The following SYNJ1 variants were observed in gnomAD, a reference collection of about 807,000 sequenced individuals.
SYNJ1 encodes the protein polyphosphatidylinositol phosphatase SYNJ1.
Under a neutral mutation model 168.2 loss-of-function variants are expected in SYNJ1, and 78 were observed. That is an observed-to-expected ratio of 0.46 (90% CI 0.39 to 0.56). The LOEUF (loss-of-function observed/expected upper bound fraction) is 0.56, where lower values mean the gene tolerates loss of function less well. Among genes scored for constraint, SYNJ1 ranks in the 20% least tolerant of loss-of-function variants. The pLI is 0.00. For missense variants in SYNJ1, 1,303 were observed against 1,597.6 expected, an observed-to-expected ratio of 0.82 and a Z score of 3.14; for synonymous variants, 539 against 548.6, an observed-to-expected ratio of 0.98 and a Z score of 0.24.
rs1601308054 is a variant in SYNJ1, at chr21:32,656,848, C to T, written c.2634G>A (p.Arg878=). The T allele has an allele frequency of 6.2e-7, 1 of 1,614,156 alleles. No individual in the cohort carries two copies. Among genetic ancestry groups the T allele is most frequent in the Non-Finnish European group, 8.5e-7 (1 of 1,180,038 alleles). Residue 878 remains arginine (R), a synonymous_variant, in exon 21 of 33, where the codon AGG becomes AGA. Transcript: ENST00000674351. ...IDIFEVEAEE[R]QNIYKEVIAV... ...CAATTACTTCTTTATAAATGTTTTGCCTCTCTTCAGCTTCAACTTCAAATA... is the reference window on the plus strand; with the variant it reads ...CAATTACTTCTTTATAAATGTTTTGTCTCTCTTCAGCTTCAACTTCAAATA...
chr21:32,667,084 T>A (rs1766551250), intron 15 of SYNJ1, among the ~76,000 whole-genome samples: 1 of 147,234 alleles, frequency 6.8e-6, no homozygotes, highest in Non-Finnish European at 1.5e-5. Flanking sequence ...GGAATAACGA[T>A]ACAAAAAAGT....
At chr21:32,687,257 T>TCATGAATGAAG (rs2041868601) in intron 7 of SYNJ1, among the ~76,000 whole-genome samples, 183 bp from the exon 8 acceptor site, 1 of 152,200 alleles carries the variant, frequency 6.6e-6, no homozygotes, top group Non-Finnish European at 1.5e-5. Flanking sequence ...TGAATGCAAC[T>TCATGAATGAAG]TCCTCTCTGA....
At chr21:32,648,139 A>C (rs1316293102) in intron 23 of SYNJ1, among the ~76,000 whole-genome samples, 1 of 152,056 alleles carries the variant, frequency 6.6e-6, no homozygotes, top group African/African-American at 2.4e-5. Flanking sequence ...CTGCTCTACT[A>C]TTCTGCCTTG....
intron 4 of SYNJ1, among the ~76,000 whole-genome samples, chr21:32,699,164 C>G (rs1361535768): frequency 6.6e-6 from 1 of 151,842 alleles, no homozygotes; most frequent in Non-Finnish European, 1.5e-5. Flanking sequence ...AACTTTTTTT[C>G]TTTGTAAAGC....
intron 1 of SYNJ1, 89 bp from the exon 2 acceptor site, chr21:32,727,006 AG>A: frequency 6.5e-7 from 1 of 1,528,352 alleles, no homozygotes; most frequent in Non-Finnish European, 8.8e-7. Flanking sequence ...CCTCCCCGCC[AG>A]GTTTTGATGG....
intron 2 of SYNJ1, among the ~76,000 whole-genome samples, chr21:32,723,218 T>A (rs1293314974): frequency 6.6e-6 from 1 of 152,262 alleles, no homozygotes. Context: ...ATTTTCATTG[T>A]ATTTTTACTT....
At chr21:32,693,076 A>C (rs1222359988) in intron 6 of SYNJ1, among the ~76,000 whole-genome samples, 1 of 151,886 alleles carries the variant, frequency 6.6e-6, no homozygotes, top group African/African-American at 2.4e-5. Context: ...AATTAAACAA[A>C]GAAATAAAAT....
At chr21:32,638,691 C>T (rs879363415) in intron 31 of SYNJ1, among the ~76,000 whole-genome samples, 17 of 151,442 alleles carry the variant, frequency 1.1e-4, no homozygotes, top group Admixed American at 2.0e-4. Flanking sequence ...AGCAAGACTT[C>T]GTCTTAAAAA....
chr21:32,693,737 G>C (rs1429079135), intron 6 of SYNJ1, among the ~76,000 whole-genome samples: 3 of 152,132 alleles, frequency 2.0e-5, no homozygotes, highest in Non-Finnish European at 4.4e-5. Context: ...ACCCTATAAA[G>C]TAGGTACTAT....
chr21:32,708,715 A>G (rs1442556319), intron 2 of SYNJ1, among the ~76,000 whole-genome samples: 1 of 151,966 alleles, frequency 6.6e-6, no homozygotes, highest in African/African-American at 2.4e-5. Context: ...TATTTTTCCC[A>G]TGTCATACTC....
intron 2 of SYNJ1, among the ~76,000 whole-genome samples, chr21:32,723,393 A>T (rs957695069): frequency 6.6e-6 from 1 of 152,252 alleles, no homozygotes; most frequent in African/African-American, 2.4e-5. Flanking sequence ...AAGCCAGGGC[A>T]AGTAGAGACT....
At chr21:32,660,502 A>T (rs1408757163) in intron 18 of SYNJ1, among the ~76,000 whole-genome samples, 3 of 152,232 alleles carry the variant, frequency 2.0e-5, no homozygotes, top group Non-Finnish European at 4.4e-5. Flanking sequence ...AGTTTATTCT[A>T]GCAGACCTGA....
At chr21:32,695,614 AGCTC>A (rs2042174457) in intron 4 of SYNJ1, among the ~76,000 whole-genome samples, 1 of 151,452 alleles carries the variant, frequency 6.6e-6, no homozygotes, top group Non-Finnish European at 1.5e-5. Flanking sequence ...CAATTTATGA[AGCTC>A]TACTTTTTAA....
intron 2 of SYNJ1, among the ~76,000 whole-genome samples, chr21:32,722,981 A>ATTAG (rs1352465658): frequency 2.0e-5 from 3 of 152,346 alleles, no homozygotes; most frequent in African/African-American, 7.2e-5. Context: ...GAAAGGCCTA[A>ATTAG]ATACACTTTG....
rs555774306 is a variant in SYNJ1 at position 32,699,125 on chromosome 21, C to G, written c.479+713G>C. 4.6e-5 allele frequency among the ~76,000 whole-genome samples: 7 copies of G among 152,284 alleles called. No homozygotes were observed. In the East Asian group the frequency reaches 1.3e-3, roughly 29 times the overall value. ...TACACTCAATTAGCAATGTCTATCC[C>G]TTGTTATCTCTAGACATAACAACTG... On this transcript the variant is annotated intron_variant, in intron 4 of 32. Transcript: ENST00000674351.
chr21:32,702,155 T>A, intron 2 of SYNJ1, 108 bp from the exon 3 acceptor site: 1 of 708,252 alleles, frequency 1.4e-6, no homozygotes, highest in Non-Finnish European at 2.3e-6. Flanking sequence ...CTGATATTCT[T>A]AAAATAAATG....
intron 22 of SYNJ1, among the ~76,000 whole-genome samples, chr21:32,651,572 C>T (rs2040271302): frequency 6.6e-6 from 1 of 152,168 alleles, no homozygotes; most frequent in Non-Finnish European, 1.5e-5. Context: ...TTTTCAAAGT[C>T]AACAAAATTC....
chr21:32,653,684 G>C, intron 21 of SYNJ1: 1 of 229,318 alleles, frequency 4.4e-6, no homozygotes, highest in Admixed American at 5.5e-5. Context: ...CAGAGGTTAA[G>C]TGACTTGTTC....
intron 4 of SYNJ1, among the ~76,000 whole-genome samples, chr21:32,696,556 ACT>A (rs1179181291): frequency 6.6e-6 from 1 of 151,750 alleles, no homozygotes. Flanking sequence ...AAGTGGAAAA[ACT>A]CTATCAATTT....
Sources: gnomAD v4.1 joint callset for allele counts (sites outside exome capture counted in the v4.1 genomes callset) on GRCh38, gnomAD v4.1.1 for gene constraint, MANE v1.5 for transcripts, NCBI Gene and HGNC (gene_info 2026-07-23, HGNC 2026-07-21) for gene names.